Variants in ENOX2 observed in about 807,000 individuals in gnomAD.
The protein encoded by ENOX2 is APK1 antigen.
ENOX2 carries 36 observed loss-of-function variants against 45.0 expected under a neutral mutation model. That is an observed-to-expected ratio of 0.80 (90% CI 0.61 to 1.06). The LOEUF (loss-of-function observed/expected upper bound fraction) is 1.06. Ranked by LOEUF, ENOX2 falls within the 50% of genes least tolerant of loss-of-function variation. ENOX2 has a pLI of 0.00. For missense variants in ENOX2, 423 were observed against 462.5 expected, an observed-to-expected ratio of 0.91 and a Z score of 0.78; for synonymous variants, 174 against 152.3, an observed-to-expected ratio of 1.14 and a Z score of -1.05.
intron 3 of ENOX2, among the ~76,000 whole-genome samples, chrX:130,716,304 A>G (rs2038328211): frequency 8.9e-6 from 1 of 112,211 alleles, no homozygotes; most frequent in African/African-American, 3.2e-5. Flanking sequence ...CATTTTCTGA[A>G]AGTGCTACTG....
chrX:130,792,590 C>T (rs929761380), intron 2 of ENOX2, among the ~76,000 whole-genome samples: 10 of 111,113 alleles, frequency 9.0e-5, no homozygotes, highest in South Asian at 7.7e-4. Context: ...GTCGGGAGTT[C>T]GAGACCAGCC....
intron 2 of ENOX2, among the ~76,000 whole-genome samples, chrX:130,831,975 T>C (rs1235325987): frequency 9.0e-6 from 1 of 111,201 alleles, no homozygotes; most frequent in Non-Finnish European, 1.9e-5. Context: ...TTCTTACTTC[T>C]TTAGGAAAAG....
At chrX:130,884,723 T>TGAGA (rs369147801) in intron 2 of ENOX2, among the ~76,000 whole-genome samples, 5 of 106,292 alleles carry the variant, frequency 4.7e-5, no homozygotes, top group African/African-American at 1.0e-4. Context: ...TGCTGATCTA[T>TGAGA]GAGAGAGAGA....
intron 2 of ENOX2, among the ~76,000 whole-genome samples, chrX:130,879,340 T>C: frequency 9.0e-6 from 1 of 111,573 alleles, no homozygotes; most frequent in South Asian, 3.8e-4. Context: ...GCACAGGAAG[T>C]GTTTTCTTTA....
chrX:130,871,971 C>A (rs984076965), intron 2 of ENOX2, among the ~76,000 whole-genome samples: 10 of 112,006 alleles, frequency 8.9e-5, no homozygotes, highest in African/African-American at 3.2e-4. Context: ...TAAAGCTGGG[C>A]AAACCTCTTA....
intron 2 of ENOX2, among the ~76,000 whole-genome samples, chrX:130,858,692 T>C (rs1273269533): frequency 9.0e-6 from 1 of 111,391 alleles, no homozygotes; most frequent in Non-Finnish European, 1.9e-5. Flanking sequence ...CAGATGTATA[T>C]TGATTACACT....
chrX:130,664,693 C>G (rs746426913), intron 9 of ENOX2, among the ~76,000 whole-genome samples: 1 of 112,432 alleles, frequency 8.9e-6, no homozygotes, highest in East Asian at 2.8e-4. Flanking sequence ...CATGTCAGAG[C>G]TGAGATTTGA....
At chrX:130,892,624 T>C (rs2079001806) in intron 2 of ENOX2, among the ~76,000 whole-genome samples, 1 of 112,699 alleles carries the variant, frequency 8.9e-6, no homozygotes, top group Admixed American at 9.3e-5. Context: ...GTGCTGTCTA[T>C]GGAATGTGTG....
At chrX:130,707,163 G>T (rs1026779183) in intron 3 of ENOX2, among the ~76,000 whole-genome samples, 2 of 112,036 alleles carry the variant, frequency 1.8e-5, no homozygotes, top group African/African-American at 6.5e-5. Context: ...TTCAGAAGGC[G>T]AATGCTACTG....
intron 2 of ENOX2, among the ~76,000 whole-genome samples, chrX:130,877,579 C>T (rs923161161): frequency 6.3e-5 from 7 of 111,919 alleles, no homozygotes; most frequent in African/African-American, 2.3e-4. Context: ...TTTTGCAATG[C>T]TTTTCTCTCT....
intron 2 of ENOX2, among the ~76,000 whole-genome samples, chrX:130,805,322 G>A (rs950711914): frequency 1.5e-4 from 17 of 111,660 alleles, no homozygotes; most frequent in Non-Finnish European, 2.8e-4. Flanking sequence ...TACCAAGTCC[G>A]GAAGAACATT....
chrX:130,869,856 C>T (rs1569325432), intron 2 of ENOX2, among the ~76,000 whole-genome samples: 1 of 111,440 alleles, frequency 9.0e-6, no homozygotes, highest in Non-Finnish European at 1.9e-5. Context: ...GCACAAAGTA[C>T]ATATTAAAAC....
intron 2 of ENOX2, among the ~76,000 whole-genome samples, chrX:130,897,196 A>G (rs1285518815): frequency 8.9e-6 from 1 of 112,341 alleles, no homozygotes. Context: ...TTCAAAAAAT[A>G]AAGAAAAACA....
chrX:130,865,003 C>CT (rs1208231656), intron 2 of ENOX2, among the ~76,000 whole-genome samples: 2 of 107,048 alleles, frequency 1.9e-5, no homozygotes, highest in Non-Finnish European at 3.8e-5. Flanking sequence ...CAAAGCAAGA[C>CT]TCTGCCTTGA....
chrX:130,879,455 C>T (rs1039824976), intron 2 of ENOX2, among the ~76,000 whole-genome samples: 12 of 109,057 alleles, frequency 1.1e-4, no homozygotes, highest in Admixed American at 1.1e-3. Flanking sequence ...TCCCTCCATC[C>T]CTCCCTCCCT....
intron 10 of ENOX2, among the ~76,000 whole-genome samples, chrX:130,640,012 C>T (rs2036035970): frequency 8.9e-6 from 1 of 112,158 alleles, no homozygotes; most frequent in Non-Finnish European, 1.9e-5. Flanking sequence ...GTGCCAGTAT[C>T]TTCAGTGTCT....
chrX:130,735,368 GA>G (rs1180126267), intron 3 of ENOX2, among the ~76,000 whole-genome samples: 1 of 112,155 alleles, frequency 8.9e-6, no homozygotes, highest in Non-Finnish European at 1.9e-5. Flanking sequence ...AATGTGACTA[GA>G]AGCTTTCACA....
At chrX:130,692,897 C>T (rs899707237) in intron 4 of ENOX2, among the ~76,000 whole-genome samples, 1 of 111,157 alleles carries the variant, frequency 9.0e-6, no homozygotes, top group African/African-American at 3.3e-5. Context: ...CCCGTATTCC[C>T]TCTTCTGATT....
At chrX:130,762,746 A>T (rs1429034827) in intron 3 of ENOX2, among the ~76,000 whole-genome samples, 4 of 111,668 alleles carry the variant, frequency 3.6e-5, no homozygotes, top group Non-Finnish European at 5.6e-5. Context: ...ATTTTTAATA[A>T]TTTTTTGAGG....
Sources: gnomAD v4.1 joint callset for allele counts (sites outside exome capture counted in the v4.1 genomes callset) on GRCh38, gnomAD v4.1.1 for gene constraint, MANE v1.5 for transcripts, NCBI Gene and HGNC (gene_info 2026-07-23, HGNC 2026-07-21) for gene names.